Variants in TRAPPC9 observed in about 807,000 individuals in gnomAD.
The protein encoded by TRAPPC9 is trafficking protein particle complex subunit 9.
A neutral mutation model predicts 124.0 loss-of-function variants in TRAPPC9; 83 were observed. The ratio of observed to expected loss-of-function variants is 0.67; its 90% confidence interval spans 0.56 to 0.80. The LOEUF is 0.80. TRAPPC9 is among the 30% of genes least tolerant of loss of function. The pLI is 0.00. For synonymous variants in TRAPPC9, 638 were observed against 617.5 expected, an observed-to-expected ratio of 1.03 and a Z score of -0.49; for missense variants, 1,302 against 1,508.3, an observed-to-expected ratio of 0.86 and a Z score of 2.27.
intron 17 of TRAPPC9, among the ~76,000 whole-genome samples, chr8:140,033,688 T>TGTTTG (rs1563707023): frequency 8.7e-6 from 1 of 115,080 alleles, no homozygotes; most frequent in Non-Finnish European, 1.7e-5. Context: ...TTTTTTTTTT[T>TGTTTG]TTTTTTTTTT....
intron 17 of TRAPPC9, among the ~76,000 whole-genome samples, chr8:140,179,501 G>A (rs1235403413): frequency 6.6e-6 from 1 of 151,930 alleles, no homozygotes; most frequent in African/African-American, 2.4e-5. Context: ...CCCAAATATG[G>A]TCTATCTTAC....
rs150460160 is a variant in TRAPPC9, at chr8:139,795,894, C to T, written c.3056-63692G>A. ...GTGAATGCACAGGGTCATTAGCCCACGGTGAACGTTCACTGAACAAACACA... is the reference window on the plus strand; with the variant it reads ...GTGAATGCACAGGGTCATTAGCCCATGGTGAACGTTCACTGAACAAACACA... On this transcript the variant is annotated intron_variant, in intron 21 of 22. Coordinates refer to ENST00000438773, the MANE Select transcript of TRAPPC9 (RefSeq NM_001160372.4). 1.3e-3 allele frequency among the ~76,000 whole-genome samples: 192 copies of T among 152,196 alleles called. 2 individuals carry two copies. Among genetic ancestry groups the T allele is most frequent in the African/African-American group, 4.1e-3 (170 of 41,516 alleles).
At chr8:140,211,395 C>A (rs2063058332) in intron 17 of TRAPPC9, among the ~76,000 whole-genome samples, 2 of 151,982 alleles carry the variant, frequency 1.3e-5, no homozygotes, top group African/African-American at 4.8e-5. Context: ...CCTGTCTCTG[C>A]AAAAAATACA....
At chr8:140,404,946 G>GTGTGTGTGTGTGTGTGTGTC (rs910246104) in intron 6 of TRAPPC9, among the ~76,000 whole-genome samples, 6 of 150,880 alleles carry the variant, frequency 4.0e-5, no homozygotes. Flanking sequence ...GTGTGTGTGT[G>GTGTGTGTGTGTGTGTGTGTC]TCTCATAGGC....
At chr8:140,350,830 A>G (rs73372867) in intron 9 of TRAPPC9, among the ~76,000 whole-genome samples, 13,104 of 152,164 alleles carry the variant, frequency 0.086, 1,019 homozygotes, top group African/African-American at 0.21. Flanking sequence ...GGCCGGGGGC[A>G]GAACCTGCAG....
chr8:140,105,604 G>A (rs2130429909), intron 17 of TRAPPC9, among the ~76,000 whole-genome samples: 1 of 152,242 alleles, frequency 6.6e-6, no homozygotes, highest in South Asian at 2.1e-4. Flanking sequence ...TTTCTGGAAT[G>A]AGCTCCATCT....
chr8:139,865,730 AG>A (rs1489978736), intron 21 of TRAPPC9, among the ~76,000 whole-genome samples: 9 of 152,098 alleles, frequency 5.9e-5, no homozygotes, highest in Non-Finnish European at 1.0e-4. Flanking sequence ...TGGTCCAGGG[AG>A]GGGGAGGAAG....
At chr8:139,773,048 C>T (rs1329925467) in intron 21 of TRAPPC9, among the ~76,000 whole-genome samples, 1 of 152,230 alleles carries the variant, frequency 6.6e-6, no homozygotes, top group East Asian at 1.9e-4. Flanking sequence ...GGCACCCCTC[C>T]AGGAGGCCCA....
rs556504235 is a variant in TRAPPC9 at position 139,859,048 on chromosome 8, T to G, written c.3055+26831A>C. Among the ~76,000 whole-genome samples, 176 of 151,400 alleles carry G rather than the reference T, an allele frequency of 1.2e-3. 1 individual carries two copies. Among genetic ancestry groups the G allele is most frequent in the African/African-American group, 4.2e-3 (172 of 41,176 alleles). ...CTTTCCCACAGCAGACGCTGCCCTT[T>G]CAGCACTCCCTGTCCTCTATGCTCT... On this transcript the variant is annotated intron_variant, in intron 21 of 22. Transcript: ENST00000438773.
In TRAPPC9 at chr8:140,080,163, A is replaced by C. The variant is rs115556842; in HGVS notation, c.2557-56084T>G. ...GTACATACAAGGTCATAGAAGGCACATACATGGTCAGTGATGAACATTCCA... is the reference window on the plus strand; with the variant it reads ...GTACATACAAGGTCATAGAAGGCACCTACATGGTCAGTGATGAACATTCCA... On this transcript the variant is annotated intron_variant, in intron 17 of 22. Transcript: ENST00000438773. 6.8e-3 allele frequency among the ~76,000 whole-genome samples: 1,038 copies of C among 152,336 alleles called. 7 individuals are homozygous for C. The highest frequency in any genetic ancestry group is 0.021 in the African/African-American group (879 of 41,572).
intron 21 of TRAPPC9, among the ~76,000 whole-genome samples, chr8:139,831,677 C>G (rs1826004701): frequency 6.6e-6 from 1 of 152,220 alleles, no homozygotes; most frequent in Non-Finnish European, 1.5e-5. Flanking sequence ...CACCCCACCC[C>G]TCACTGAGCC....
At chr8:139,783,995 T>G (rs2130545087) in intron 21 of TRAPPC9, among the ~76,000 whole-genome samples, 1 of 152,282 alleles carries the variant, frequency 6.6e-6, no homozygotes, top group South Asian at 2.1e-4. Context: ...AGGAGAGAGG[T>G]GCCTCCACTT....
Position 139,825,361 on chromosome 8 carries a change from C to A in TRAPPC9, c.3055+60518G>T, listed in dbSNP as rs148485688. 5.4e-3 allele frequency among the ~76,000 whole-genome samples: 815 copies of A among 152,324 alleles called. 9 individuals are homozygous for A. The highest frequency in any genetic ancestry group is 0.019 in the African/African-American group (781 of 41,574). ...CAGGTCCTGGTGCAGGCGGCACTGG[C>A]ATCCTGTGAGGATGAAGGCCTGTCC... On this transcript the variant is annotated intron_variant, in intron 21 of 22. Coordinates refer to ENST00000438773, the MANE Select transcript of TRAPPC9 (RefSeq NM_001160372.4). This position sits in a 1 kb window ranked among gnomAD's most constrained non-coding sequence, Gnocchi z 4.6.
At chr8:140,157,192 T>C (rs1480046378) in intron 17 of TRAPPC9, among the ~76,000 whole-genome samples, 8 of 74,410 alleles carry the variant, frequency 1.1e-4, no homozygotes, top group African/African-American at 3.6e-4. Flanking sequence ...GCCTCCCTTT[T>C]CCATTCAAAA....
chr8:140,350,925 G>A (rs1022170824), intron 9 of TRAPPC9, among the ~76,000 whole-genome samples: 13 of 152,000 alleles, frequency 8.6e-5, no homozygotes, highest in East Asian at 5.9e-4. Flanking sequence ...AGGGGTGTCC[G>A]GAGAATGAAG....
chr8:140,439,151 C>G lies in TRAPPC9; in HGVS notation c.631G>C (p.Asp211His). The change falls in exon 3 of 23, where the codon GAC becomes CAC. Residue 211 changes from aspartate (D) to histidine (H), a missense_variant. This residue lies in a region of TRAPPC9 where 657 missense variants were observed against 811.2 expected (regional missense o/e 0.81). Transcript: ENST00000438773. ...CQGRMRKHVG[D>H]LCLQAGMLQD... ...AGCATCCCTGCCTGCAGGCACAGGTCCCCCACGTGCTTCCGCATGCGGCCT... is the reference window on the plus strand; with the variant it reads ...AGCATCCCTGCCTGCAGGCACAGGTGCCCCACGTGCTTCCGCATGCGGCCT... 1 of 1,614,138 alleles carries G rather than the reference C, an allele frequency of 6.2e-7. No homozygotes were observed. The highest frequency in any genetic ancestry group is 8.5e-7 in the Non-Finnish European group (1 of 1,180,012).
At chr8:140,211,012 G>GA (rs755277139) in intron 17 of TRAPPC9, among the ~76,000 whole-genome samples, 28 of 145,696 alleles carry the variant, frequency 1.9e-4, no homozygotes, top group African/African-American at 6.8e-4. Flanking sequence ...ATATCCTAGG[G>GA]TTTTTTTTTT....
chr8:140,452,419 C>CAAAAAA (rs1161960216), intron 1 of TRAPPC9, among the ~76,000 whole-genome samples: 1 of 40,414 alleles, frequency 2.5e-5, no homozygotes, highest in Admixed American at 2.3e-4. Flanking sequence ...GACTGCATCT[C>CAAAAAA]AAAAAAAAAA....
chr8:140,336,298 C>A (rs2067037941), intron 9 of TRAPPC9, among the ~76,000 whole-genome samples: 1 of 152,152 alleles, frequency 6.6e-6, no homozygotes, highest in Non-Finnish European at 1.5e-5. Flanking sequence ...AACAGATATT[C>A]CTACTGTGTA....
Sources: gnomAD v4.1 joint callset for allele counts (sites outside exome capture counted in the v4.1 genomes callset) on GRCh38, gnomAD v4.1.1 for gene constraint, gnomAD v4.1.1 regional missense constraint, Gnocchi (gnomAD v3.1) non-coding constraint, MANE v1.5 for transcripts, NCBI Gene and HGNC (gene_info 2026-07-23, HGNC 2026-07-21) for gene names.